ADAMTSL1: variants seen among roughly 807,000 people sequenced by gnomAD.
ADAMTSL1 encodes ADAMTS-like protein 1.
In ADAMTSL1, 126 loss-of-function variants were observed where a neutral mutation model predicts 201.8. The ratio of observed to expected loss-of-function variants is 0.62; its 90% CI spans 0.54 to 0.72. The LOEUF (loss-of-function observed/expected upper bound fraction) is 0.72. Ranked by LOEUF, ADAMTSL1 falls within the 30% of genes least tolerant of loss-of-function variation. The pLI is 0.00. For synonymous variants in ADAMTSL1, 1,121 were observed against 903.4 expected (o/e 1.24, Z -4.32); for missense variants, 2,679 against 2,277.8 (o/e 1.18, Z -3.59).
chr9:18,301,165 A>C lies in ADAMTSL1; in HGVS notation c.207+137184A>C, dbSNP rs193135231. Among the ~76,000 whole-genome samples the C allele has an allele frequency of 1.5e-3, 234 of 152,342 alleles. 1 individual carries two copies. Among genetic ancestry groups the C allele is most frequent in the African/African-American group, 4.8e-3 (199 of 41,576 alleles). On this transcript the variant is annotated intron_variant, in intron 2 of 29. Coordinates refer to the ADAMTSL1 transcript ENST00000680146. ...AAGATGCACCATTATTTAAAGTGCCAGGAAGAAAGAAAAAAAGTATGACAC... is the reference window on the plus strand; with the variant it reads ...AAGATGCACCATTATTTAAAGTGCCCGGAAGAAAGAAAAAAAGTATGACAC...
intron 2 of ADAMTSL1, among the ~76,000 whole-genome samples, chr9:18,352,844 A>G (rs1164461197): frequency 6.6e-6 from 1 of 152,208 alleles, no homozygotes; most frequent in East Asian, 1.9e-4. Context: ...CAAGATGCAA[A>G]GTCTGTTAGA....
chr9:18,602,614 A>G (rs1294164210), intron 4 of ADAMTSL1, among the ~76,000 whole-genome samples: 1 of 152,130 alleles, frequency 6.6e-6, no homozygotes, highest in Non-Finnish European at 1.5e-5. Flanking sequence ...CACCTCCTCC[A>G]TCAACCCTTC....
chr9:18,154,131 CT>C (rs904529096), intron 1 of ADAMTSL1, among the ~76,000 whole-genome samples: 27 of 151,946 alleles, frequency 1.8e-4, no homozygotes, highest in Admixed American at 1.6e-3. Flanking sequence ...AAAAGCACCC[CT>C]TTTTTGTGCT....
At chr9:18,147,661 G>T (rs1450006116) in intron 1 of ADAMTSL1, among the ~76,000 whole-genome samples, 1 of 152,084 alleles carries the variant, frequency 6.6e-6, no homozygotes, top group Non-Finnish European at 1.5e-5. Flanking sequence ...CACACAGAAT[G>T]GAGGCTCAAT....
chr9:18,312,974 A>T (rs1834213497), intron 2 of ADAMTSL1, among the ~76,000 whole-genome samples: 1 of 152,220 alleles, frequency 6.6e-6, no homozygotes, highest in Non-Finnish European at 1.5e-5. Flanking sequence ...ACCTGGATTA[A>T]AAGTATAGTC....
chr9:18,092,644 A>G lies in ADAMTSL1; in HGVS notation c.88-71218A>G, dbSNP rs145001105. ...TACTTGTGGTCCAAAAGCTCCTAGTAGAGAATTTTTCATTTGCTCCAGAAT... is the reference window on the plus strand; with the variant it reads ...TACTTGTGGTCCAAAAGCTCCTAGTGGAGAATTTTTCATTTGCTCCAGAAT... On this transcript the variant is annotated intron_variant, in intron 1 of 29. Coordinates refer to the ADAMTSL1 transcript ENST00000680146. 1.6e-3 allele frequency among the ~76,000 whole-genome samples: 251 copies of G among 152,310 alleles called. 1 individual carries two copies. The highest frequency in any genetic ancestry group is 5.7e-3 in the African/African-American group (239 of 41,584).
rs1830277451 is a variant in ADAMTSL1 at position 18,905,859 on chromosome 9, C to G, written c.4929C>G (p.Thr1643=). The G allele has an allele frequency of 1.2e-6, 2 of 1,613,200 alleles. No homozygotes were observed. Among genetic ancestry groups the G allele is most frequent in the African/African-American group, 1.3e-5 (1 of 74,920 alleles). Reference sequence around the variant, plus strand: ...TCTGCCAGACACGGGATGGCATCACCTTACCATCAGAGCAGTGCAGTGCTC... The same window carrying G: ...TCTGCCAGACACGGGATGGCATCACGTTACCATCAGAGCAGTGCAGTGCTC... ...QVFCQTRDGI[T]LPSEQCSALP... is the part of the protein sequence containing the mutation. Residue 1643 remains threonine, a synonymous_variant, in exon 27 of 29, where the codon ACC becomes ACG. Coordinates refer to ENST00000380548, the MANE Select transcript of ADAMTSL1 (RefSeq NM_001040272.6).
intron 2 of ADAMTSL1, among the ~76,000 whole-genome samples, chr9:18,376,702 A>G (rs1837311385): frequency 6.6e-6 from 1 of 152,142 alleles, no homozygotes; most frequent in Non-Finnish European, 1.5e-5. Context: ...ACTACCTGGG[A>G]GGCTGAGGCT....
chr9:18,381,785 G>T (rs371601905), intron 2 of ADAMTSL1, among the ~76,000 whole-genome samples: 1 of 151,756 alleles, frequency 6.6e-6, no homozygotes, highest in South Asian at 2.1e-4. Flanking sequence ...AGCAGGAGAG[G>T]GGGGATTAGA....
rs551367593 is a variant in ADAMTSL1 at position 18,581,354 on chromosome 9, T to C, written c.474+7088T>C. On this transcript the variant is annotated intron_variant, in intron 4 of 28. Transcript: ENST00000380548. Reference sequence around the variant, plus strand: ...GCAAAGATTCTATTTCCTAAAAAGGTCACATTTATAGGCATCAGAGGTTTT... The same window carrying C: ...GCAAAGATTCTATTTCCTAAAAAGGCCACATTTATAGGCATCAGAGGTTTT... Among the ~76,000 whole-genome samples, 46 of 152,304 alleles carry C rather than the reference T, an allele frequency of 3.0e-4. No homozygotes were observed. In the South Asian group the frequency reaches 9.3e-3, roughly 31 times the overall value.
chr9:18,030,654 G>A (rs1044027300), intron 1 of ADAMTSL1, among the ~76,000 whole-genome samples: 7 of 152,046 alleles, frequency 4.6e-5, no homozygotes, highest in Non-Finnish European at 1.0e-4. Context: ...TATGTCACAG[G>A]ACTTCTCTTA....
chr9:17,946,079 TGTGTGTGTGTGTG>T (rs1185149151), intron 1 of ADAMTSL1, among the ~76,000 whole-genome samples: 2 of 94,662 alleles, frequency 2.1e-5, no homozygotes, highest in Non-Finnish European at 5.2e-5. Flanking sequence ...TGTGTGTGTG[TGTGTGTGTGTGTG>T]TGTGTGTGTG....
intron 2 of ADAMTSL1, among the ~76,000 whole-genome samples, chr9:18,434,423 T>A (rs999138551): frequency 5.9e-5 from 9 of 152,196 alleles, no homozygotes; most frequent in Admixed American, 3.9e-4. Context: ...AACTATTGTA[T>A]ACACTCTGTA....
intron 26 of ADAMTSL1, among the ~76,000 whole-genome samples, chr9:18,898,931 G>A (rs1177170416): frequency 1.3e-5 from 2 of 152,188 alleles, no homozygotes; most frequent in Non-Finnish European, 2.9e-5. Context: ...AGGCAATGTA[G>A]TATTGGAAGT....
intron 19 of ADAMTSL1, among the ~76,000 whole-genome samples, chr9:18,787,767 A>G (rs190421320): frequency 3.9e-5 from 6 of 152,324 alleles, no homozygotes; most frequent in African/African-American, 1.4e-4. Flanking sequence ...TAGTTTTCCA[A>G]TAAAACTTTA....
At chr9:18,583,640 G>A (rs1823265375) in intron 4 of ADAMTSL1, among the ~76,000 whole-genome samples, 1 of 152,170 alleles carries the variant, frequency 6.6e-6, no homozygotes, top group Non-Finnish European at 1.5e-5. Context: ...GCCTGGATAA[G>A]CTGCAGTCAC....
At chr9:18,274,415 A>G (rs1035011297) in intron 2 of ADAMTSL1, among the ~76,000 whole-genome samples, 10 of 152,182 alleles carry the variant, frequency 6.6e-5, no homozygotes, top group African/African-American at 2.4e-4. Flanking sequence ...CAAATAAGCA[A>G]GTTTTTCATC....
At position 18,680,411 on chromosome 9, in the gene ADAMTSL1, C is replaced by T; in HGVS notation, c.1236C>T (p.Val412=). ...TGGAGGAGGACATCCAGGGGCATGTCACTTCAGTGGAAGAGTGGAAATGCA... is the reference window on the plus strand; with the variant it reads ...TGGAGGAGGACATCCAGGGGCATGTTACTTCAGTGGAAGAGTGGAAATGCA... ...SCVEEDIQGH[V]TSVEEWKCMY... is the part of the protein sequence containing the mutation. Residue 412 remains valine (V), a synonymous_variant, in exon 11 of 29, where the codon GTC becomes GTT. Transcript: ENST00000380548. The T allele has an allele frequency of 6.2e-7, 1 of 1,614,206 alleles. No individual in the cohort carries two copies. The highest frequency in any genetic ancestry group is 1.3e-5 in the African/African-American group (1 of 75,054).
intron 13 of ADAMTSL1, among the ~76,000 whole-genome samples, chr9:18,701,450 C>T (rs1831917953): frequency 1.3e-5 from 2 of 152,178 alleles, no homozygotes; most frequent in South Asian, 2.1e-4. Flanking sequence ...AAACTCCTGA[C>T]TTCAGGCGAT....
Sources: gnomAD v4.1 joint callset for allele counts (sites outside exome capture counted in the v4.1 genomes callset) on GRCh38, gnomAD v4.1.1 for gene constraint, MANE v1.5 for transcripts, NCBI Gene and HGNC (gene_info 2026-07-23, HGNC 2026-07-21) for gene names.